Variants in UBASH3B observed in about 807,000 individuals in gnomAD.
The protein encoded by UBASH3B is ubiquitin-associated and SH3 domain-containing protein B.
A neutral mutation model predicts 83.4 loss-of-function variants in UBASH3B; 37 were observed. The observed-to-expected ratio is 0.44, with a 90% CI of 0.34 to 0.58. The LOEUF (loss-of-function observed/expected upper bound fraction) is 0.58, where lower values mean the gene tolerates loss of function less well. UBASH3B is among the 20% of genes least tolerant of loss of function. The pLI, the probability that UBASH3B is intolerant of heterozygous loss-of-function variation, is 0.01. For synonymous variants in UBASH3B, 304 were observed against 318.3 expected (o/e 0.96, Z 0.48); for missense variants, 657 against 827.2 (o/e 0.79, Z 2.52).
At chr11:122,718,233 G>C (rs1860560200) in intron 1 of UBASH3B, among the ~76,000 whole-genome samples, 1 of 152,140 alleles carries the variant, frequency 6.6e-6, no homozygotes, top group African/African-American at 2.4e-5. Flanking sequence ...CCTCACCCAA[G>C]TTTTAAACAC....
chr11:122,793,876 G>A (rs1316804450), intron 6 of UBASH3B, among the ~76,000 whole-genome samples: 1 of 152,204 alleles, frequency 6.6e-6, no homozygotes, highest in Non-Finnish European at 1.5e-5. Context: ...GGAGACCGAA[G>A]AGGGTAGAAT....
chr11:122,790,984 A>C (rs1861043339), intron 6 of UBASH3B, among the ~76,000 whole-genome samples: 1 of 151,638 alleles, frequency 6.6e-6, no homozygotes, highest in South Asian at 2.1e-4. Flanking sequence ...TATGAGAAGC[A>C]GTGCTGATCT....
Position 122,810,642 on chromosome 11 carries a change from C to G in UBASH3B, c.*756C>G, listed in dbSNP as rs530670047. 6.6e-6 allele frequency: 1 copy of G among 152,640 alleles called. No homozygotes were observed. Among genetic ancestry groups the G allele is most frequent in the African/African-American group, 2.4e-5 (1 of 41,526 alleles). The allele number at this position is 152,640 out of a possible 1,614,324, so 9.5% of individuals were successfully genotyped here. A position where few individuals can be genotyped will look rare whatever the true frequency, so the allele number is the denominator to read the frequency against. ...AGATAAGATACATGTTTGAAGTATTCAATCATAGGAGCAAAGAACTTGCAA... is the reference window on the plus strand; with the variant it reads ...AGATAAGATACATGTTTGAAGTATTGAATCATAGGAGCAAAGAACTTGCAA... On this transcript the variant is annotated 3_prime_UTR_variant, in exon 14 of 14. Transcript: ENST00000284273.
At chr11:122,757,858 C>G (rs915604110) in intron 1 of UBASH3B, among the ~76,000 whole-genome samples, 1 of 151,892 alleles carries the variant, frequency 6.6e-6, no homozygotes, top group Non-Finnish European at 1.5e-5. Context: ...GGATTACAGG[C>G]GCCTGCCACC....
At chr11:122,771,461 G>A (rs1287238136) in intron 1 of UBASH3B, among the ~76,000 whole-genome samples, 4 of 152,014 alleles carry the variant, frequency 2.6e-5, no homozygotes, top group African/African-American at 4.8e-5. Context: ...GGCTGGTCTC[G>A]AACTCCTCTC....
At chr11:122,688,801 C>A (rs1256258716) in intron 1 of UBASH3B, among the ~76,000 whole-genome samples, 1 of 152,014 alleles carries the variant, frequency 6.6e-6, no homozygotes, top group Admixed American at 6.6e-5. Context: ...CCCGCCACCA[C>A]GCCCGGCTAA....
At chr11:122,713,657 G>A (rs943129933) in intron 1 of UBASH3B, among the ~76,000 whole-genome samples, 4 of 151,482 alleles carry the variant, frequency 2.6e-5, no homozygotes, top group Non-Finnish European at 5.9e-5. Context: ...TTATTTTGGG[G>A]GCCCTAAAGT....
At chr11:122,744,907 G>A (rs12221904) in intron 1 of UBASH3B, among the ~76,000 whole-genome samples, 45 of 56,160 alleles carry the variant, frequency 8.0e-4, no homozygotes, top group South Asian at 2.9e-3. Flanking sequence ...GTGCGCGCGC[G>A]CGCGCACTTG....
intron 1 of UBASH3B, among the ~76,000 whole-genome samples, chr11:122,729,595 A>T (rs1860803263): frequency 6.6e-6 from 1 of 152,078 alleles, no homozygotes; most frequent in Non-Finnish European, 1.5e-5. Flanking sequence ...GGGTTGTTTT[A>T]AAATACTCTA....
chr11:122,676,534 T>C (rs1334350215), intron 1 of UBASH3B, among the ~76,000 whole-genome samples: 2 of 151,684 alleles, frequency 1.3e-5, no homozygotes, highest in African/African-American at 4.9e-5. Flanking sequence ...AGAGCAAAAC[T>C]CCATCTCAAA....
intron 1 of UBASH3B, among the ~76,000 whole-genome samples, chr11:122,666,128 C>T (rs1863513019): frequency 6.6e-6 from 1 of 152,246 alleles, no homozygotes; most frequent in South Asian, 2.1e-4. Flanking sequence ...CCAGAGGCAG[C>T]TGCATGCTCC....
chr11:122,752,356 C>T (rs1027661736), intron 1 of UBASH3B, among the ~76,000 whole-genome samples: 6 of 152,104 alleles, frequency 3.9e-5, no homozygotes, highest in African/African-American at 7.2e-5. Context: ...TTATAATGTG[C>T]GAGGCCAGGT....
chr11:122,780,191 C>T (rs1040059310), intron 4 of UBASH3B, among the ~76,000 whole-genome samples: 2 of 152,162 alleles, frequency 1.3e-5, no homozygotes, highest in East Asian at 3.9e-4. Flanking sequence ...TGAACCAATA[C>T]CCTTCAACTT....
At chr11:122,669,375 C>G (rs944440779) in intron 1 of UBASH3B, among the ~76,000 whole-genome samples, 2 of 152,200 alleles carry the variant, frequency 1.3e-5, no homozygotes, top group African/African-American at 4.8e-5. Flanking sequence ...CACCTCCTGT[C>G]TCTGTCTGTG....
At chr11:122,699,537 CTT>C (rs753738483) in intron 1 of UBASH3B, among the ~76,000 whole-genome samples, 19 of 119,412 alleles carry the variant, frequency 1.6e-4, no homozygotes, top group Admixed American at 2.6e-4. Flanking sequence ...CTTTCTCTTT[CTT>C]TCTTTCTTTC....
intron 3 of UBASH3B, among the ~76,000 whole-genome samples, chr11:122,779,020 G>T (rs1035505921): frequency 1.3e-5 from 2 of 152,246 alleles, no homozygotes; most frequent in East Asian, 1.9e-4. Context: ...GCATTACCTC[G>T]CATGCTTATC....
At position 122,789,373 on chromosome 11, in the gene UBASH3B, T is replaced by A. The variant is rs910931028; in HGVS notation, c.980+65T>A. ...TTGCTAAGGCAGACTGGATCCTGGA[T>A]ACACAGGGCAGCAGTAAATGGAGTC... On this transcript the variant is annotated intron_variant, in intron 6 of 13. Transcript: ENST00000284273. 3.2e-6 allele frequency: 5 copies of A among 1,550,500 alleles called. No homozygotes were observed. In the South Asian group the frequency reaches 5.7e-5, roughly 18 times the overall value.
intron 3 of UBASH3B, 48 bp downstream of exon 3, chr11:122,777,258 C>T: frequency 1.3e-6 from 2 of 1,557,780 alleles, no homozygotes; most frequent in Non-Finnish European, 8.7e-7. Context: ...CCTAGGATCC[C>T]AGCCGGCCCT....
At chr11:122,710,398 T>C (rs1286979737) in intron 1 of UBASH3B, among the ~76,000 whole-genome samples, 4 of 152,162 alleles carry the variant, frequency 2.6e-5, no homozygotes, top group African/African-American at 9.7e-5. Flanking sequence ...CCAGGCATTG[T>C]GCTGCCTTCT....
Sources: allele counts gnomAD v4.1 joint callset (sites outside exome capture counted in the v4.1 genomes callset), GRCh38; gene constraint gnomAD v4.1.1; transcripts MANE v1.5; gene names NCBI Gene and HGNC (gene_info 2026-07-23, HGNC 2026-07-21).